The following CTNNA3 variants were observed in gnomAD, a reference collection of about 807,000 sequenced individuals.
The protein encoded by CTNNA3 is catenin alpha-3.
CTNNA3 carries 76 observed loss-of-function variants against 95.7 expected under a neutral mutation model. The ratio of observed to expected loss-of-function variants is 0.79; its 90% CI spans 0.66 to 0.96. CTNNA3 has a LOEUF of 0.96. Among genes scored for constraint, CTNNA3 ranks in the 40% least tolerant of loss-of-function variants. The pLI, the probability that CTNNA3 is intolerant of heterozygous loss-of-function variation, is 0.00. For missense variants in CTNNA3, 1,191 were observed against 1,089.8 expected (o/e 1.09, Z -1.31); for synonymous variants, 431 against 374.4 (o/e 1.15, Z -1.74).
At chr10:66,968,109 T>A (rs1412177783) in intron 7 of CTNNA3, among the ~76,000 whole-genome samples, 2 of 152,044 alleles carry the variant, frequency 1.3e-5, no homozygotes, top group African/African-American at 4.8e-5. Flanking sequence ...AAAAACCCAA[T>A]CTGTTTCTAG....
chr10:66,492,888 G>A (rs1169355228), intron 11 of CTNNA3, among the ~76,000 whole-genome samples: 1 of 152,114 alleles, frequency 6.6e-6, no homozygotes, highest in East Asian at 1.9e-4. Flanking sequence ...AATAGGAGTT[G>A]AATGGTTCTG....
At chr10:66,342,050 TAC>T in intron 12 of CTNNA3, among the ~76,000 whole-genome samples, 1 of 152,060 alleles carries the variant, frequency 6.6e-6, no homozygotes, top group Non-Finnish European at 1.5e-5. Context: ...GTTTATAACT[TAC>T]ACAAGATCAC....
intron 9 of CTNNA3, among the ~76,000 whole-genome samples, chr10:66,713,362 A>C (rs1848354156): frequency 6.6e-6 from 1 of 151,924 alleles, no homozygotes. Flanking sequence ...CTAACCAGGG[A>C]TCTCTTTTAT....
chr10:67,067,803 T>A (rs1444381739), intron 7 of CTNNA3, among the ~76,000 whole-genome samples: 1 of 152,184 alleles, frequency 6.6e-6, no homozygotes, highest in Non-Finnish European at 1.5e-5. Flanking sequence ...ATGTGCTGGA[T>A]ACAACAGGAT....
intron 7 of CTNNA3, among the ~76,000 whole-genome samples, chr10:66,994,264 C>G (rs1480559482): frequency 2.0e-5 from 3 of 152,132 alleles, no homozygotes; most frequent in Non-Finnish European, 2.9e-5. Context: ...GGAAAATGCT[C>G]TCCAAGCTTT....
At chr10:66,562,176 G>A (rs918807579) in intron 10 of CTNNA3, among the ~76,000 whole-genome samples, 1 of 152,046 alleles carries the variant, frequency 6.6e-6, no homozygotes, top group Non-Finnish European at 1.5e-5. Flanking sequence ...GCTAGAACAG[G>A]TCAATTTTAC....
At chr10:66,334,885 G>T (rs1192615193) in intron 12 of CTNNA3, among the ~76,000 whole-genome samples, 1 of 151,926 alleles carries the variant, frequency 6.6e-6, no homozygotes, top group Admixed American at 6.6e-5. Flanking sequence ...ACGTAGATTT[G>T]GTCTTTCACA....
chr10:66,972,926 CATA>C (rs1243782623), intron 7 of CTNNA3, among the ~76,000 whole-genome samples: 2 of 151,724 alleles, frequency 1.3e-5, no homozygotes, highest in Non-Finnish European at 2.9e-5. Context: ...TGACAAGTTT[CATA>C]GATTAAAAAG....
At chr10:66,538,626 G>A (rs531809872) in intron 10 of CTNNA3, among the ~76,000 whole-genome samples, 2 of 152,202 alleles carry the variant, frequency 1.3e-5, no homozygotes, top group South Asian at 4.2e-4. Context: ...CTTTACTGAC[G>A]AACCTTTTAA....
At chr10:66,367,919 T>G (rs2092725411) in intron 12 of CTNNA3, among the ~76,000 whole-genome samples, 1 of 116,536 alleles carries the variant, frequency 8.6e-6, no homozygotes, top group Non-Finnish European at 1.9e-5. Context: ...TTATTATTAT[T>G]ATTATTATTT....
At chr10:66,663,357 C>T (rs1286798762) in intron 9 of CTNNA3, among the ~76,000 whole-genome samples, 2 of 151,874 alleles carry the variant, frequency 1.3e-5, no homozygotes, top group South Asian at 2.1e-4. Flanking sequence ...TTTACTCTTC[C>T]CACTCTTTGG....
At chr10:66,665,414 C>T (rs1846416911) in intron 9 of CTNNA3, among the ~76,000 whole-genome samples, 1 of 152,260 alleles carries the variant, frequency 6.6e-6, no homozygotes, top group East Asian at 1.9e-4. Context: ...ATAGTAAAGC[C>T]CTTTGCATGC....
intron 2 of CTNNA3, among the ~76,000 whole-genome samples, chr10:67,626,397 T>G (rs1838956977): frequency 6.6e-6 from 1 of 152,202 alleles, no homozygotes. Context: ...GGAGATGTCT[T>G]GTGCTCCCTT....
intron 11 of CTNNA3, among the ~76,000 whole-genome samples, chr10:66,391,430 A>G (rs2092932912): frequency 6.6e-6 from 1 of 152,140 alleles, no homozygotes; most frequent in Non-Finnish European, 1.5e-5. Context: ...AACAGAAAAA[A>G]TGGACTATTG....
At chr10:66,336,791 C>T (rs2092401992) in intron 12 of CTNNA3, among the ~76,000 whole-genome samples, 1 of 152,106 alleles carries the variant, frequency 6.6e-6, no homozygotes, top group South Asian at 2.1e-4. Context: ...TCTCTCATAG[C>T]TCTTATAGCA....
At chr10:66,756,399 C>T (rs983933656) in intron 9 of CTNNA3, among the ~76,000 whole-genome samples, 14 of 152,284 alleles carry the variant, frequency 9.2e-5, no homozygotes, top group African/African-American at 3.1e-4. Flanking sequence ...AAGCGATCAA[C>T]GCAATTCAGA....
intron 10 of CTNNA3, among the ~76,000 whole-genome samples, chr10:66,604,299 C>T (rs1182391590): frequency 6.6e-6 from 1 of 152,162 alleles, no homozygotes; most frequent in Admixed American, 6.5e-5. Flanking sequence ...AATCCCCATG[C>T]TAACACCACC....
At chr10:66,432,772 T>A (rs951650234) in intron 11 of CTNNA3, among the ~76,000 whole-genome samples, 2 of 151,974 alleles carry the variant, frequency 1.3e-5, no homozygotes, top group Non-Finnish European at 2.9e-5. Context: ...ATCATCTACA[T>A]CAGGTATTTC....
At chr10:67,039,931 C>T (rs1488085773) in intron 7 of CTNNA3, among the ~76,000 whole-genome samples, 1 of 152,054 alleles carries the variant, frequency 6.6e-6, no homozygotes, top group Non-Finnish European at 1.5e-5. Context: ...ATAGCCAACC[C>T]ACCAATCTGT....
Sources: allele counts gnomAD v4.1 joint callset (sites outside exome capture counted in the v4.1 genomes callset), GRCh38; gene constraint gnomAD v4.1.1; transcripts MANE v1.5; gene names NCBI Gene and HGNC (gene_info 2026-07-23, HGNC 2026-07-21).